DPP10: variants seen among roughly 807,000 people sequenced by gnomAD.
The protein encoded by DPP10 is dipeptidyl peptidase like 10.
Under a neutral mutation model 120.9 loss-of-function variants are expected in DPP10, and 33 were observed. The ratio of observed to expected loss-of-function variants is 0.27; its 90% CI spans 0.21 to 0.37. The LOEUF is 0.37. Among genes scored for constraint, DPP10 ranks in the 10% least tolerant of loss-of-function variants. The pLI, the probability that DPP10 is intolerant of heterozygous loss-of-function variation, is 1.00. For missense variants in DPP10, 816 were observed against 942.8 expected, an observed-to-expected ratio of 0.87 and a Z score of 1.76; for synonymous variants, 337 against 326.1, an observed-to-expected ratio of 1.03 and a Z score of -0.36.
intron 1 of DPP10, among the ~76,000 whole-genome samples, chr2:115,238,017 C>T (rs960900145): frequency 6.6e-6 from 1 of 152,160 alleles, no homozygotes; most frequent in African/African-American, 2.4e-5. Context: ...CCACACTAGA[C>T]AACAAATTTT....
chr2:115,471,394 G>A (rs79313039), intron 3 of DPP10, among the ~76,000 whole-genome samples: 5,599 of 152,152 alleles, frequency 0.037, 255 homozygotes, highest in East Asian at 0.24. Context: ...GGACAGTAGA[G>A]TTAATCTTAT....
intron 21 of DPP10, 75 bp from the exon 22 acceptor site, chr2:115,836,082 T>TA: frequency 1.3e-6 from 1 of 782,560 alleles, no homozygotes; most frequent in African/African-American, 1.9e-5. Context: ...TTGTTATATA[T>TA]AAATTTGTGT....
At chr2:115,442,238 A>C (rs1327034856) in intron 3 of DPP10, among the ~76,000 whole-genome samples, 1 of 152,082 alleles carries the variant, frequency 6.6e-6, no homozygotes, top group Non-Finnish European at 1.5e-5. Context: ...TGGTAGGCCC[A>C]AAGCTCACTG....
intron 1 of DPP10, among the ~76,000 whole-genome samples, chr2:114,837,337 C>T (rs1325809446): frequency 6.6e-6 from 1 of 152,176 alleles, no homozygotes; most frequent in African/African-American, 2.4e-5. Context: ...TCCCTCCGTT[C>T]CGGGTCCCTG....
chr2:115,008,647 C>T (rs1168322436), intron 1 of DPP10, among the ~76,000 whole-genome samples: 1 of 114,678 alleles, frequency 8.7e-6, no homozygotes, highest in Admixed American at 8.9e-5. Flanking sequence ...AGGCAACCTA[C>T]AGAATGGGAG....
chr2:115,329,511 T>A (rs1193909317), intron 2 of DPP10, among the ~76,000 whole-genome samples: 1 of 152,128 alleles, frequency 6.6e-6, no homozygotes, highest in African/African-American at 2.4e-5. Flanking sequence ...TATGTATACA[T>A]GTGCCATGTT....
At chr2:115,834,903 G>A (rs866786933) in intron 21 of DPP10, among the ~76,000 whole-genome samples, 13 of 152,062 alleles carry the variant, frequency 8.5e-5, no homozygotes, top group Admixed American at 7.2e-4. Context: ...TGGCTAACAC[G>A]GTGAAACCCG....
At chr2:115,182,519 A>G (rs1012770349) in intron 1 of DPP10, among the ~76,000 whole-genome samples, 2 of 152,234 alleles carry the variant, frequency 1.3e-5, no homozygotes, top group African/African-American at 4.8e-5. Flanking sequence ...TCTATGAAAT[A>G]TCTTTTTAAA....
At chr2:115,538,894 T>G (rs2079023027) in intron 5 of DPP10, among the ~76,000 whole-genome samples, 1 of 152,026 alleles carries the variant, frequency 6.6e-6, no homozygotes, top group South Asian at 2.1e-4. Context: ...CAGAAAAACA[T>G]AATATTAATT....
intron 3 of DPP10, among the ~76,000 whole-genome samples, chr2:115,377,300 C>A (rs1191766713): frequency 6.6e-6 from 1 of 151,902 alleles, no homozygotes; most frequent in East Asian, 1.9e-4. Context: ...CTCTGATGGC[C>A]AGTGATGGTG....
intron 1 of DPP10, among the ~76,000 whole-genome samples, chr2:115,086,506 G>C (rs1708714500): frequency 6.8e-6 from 1 of 147,428 alleles, no homozygotes; most frequent in Admixed American, 6.8e-5. Flanking sequence ...ACCCAGGCTG[G>C]AGTGTAGTGG....
chr2:114,532,881 C>T (rs544374196), intron 1 of DPP10, among the ~76,000 whole-genome samples: 2 of 152,122 alleles, frequency 1.3e-5, no homozygotes, highest in Admixed American at 1.3e-4. Flanking sequence ...ACTGGATATC[C>T]AGCAGGGATA....
intron 1 of DPP10, among the ~76,000 whole-genome samples, chr2:114,917,358 T>C (rs1289032541): frequency 6.6e-6 from 1 of 152,116 alleles, no homozygotes; most frequent in South Asian, 2.1e-4. Context: ...TGCTCATGGA[T>C]AGGAGTCAAT....
At chr2:114,523,990 G>T (rs1039715279) in intron 1 of DPP10, among the ~76,000 whole-genome samples, 2 of 152,204 alleles carry the variant, frequency 1.3e-5, no homozygotes, top group African/African-American at 2.4e-5. Context: ...CATTGACATT[G>T]CTCTTTGTAG....
chr2:114,867,993 G>T (rs74363328), intron 1 of DPP10, among the ~76,000 whole-genome samples: 3,286 of 152,262 alleles, frequency 0.022, 122 homozygotes, highest in African/African-American at 0.076. Flanking sequence ...AGAATGACAA[G>T]AAATTAATTT....
intron 1 of DPP10, among the ~76,000 whole-genome samples, chr2:114,486,416 TTAA>T (rs774723146): frequency 6.6e-6 from 1 of 152,198 alleles, no homozygotes; most frequent in Non-Finnish European, 1.5e-5. Flanking sequence ...AAATAATTTT[TTAA>T]TAATATTTTA....
Position 115,112,357 on chromosome 2 carries a change from A to T in DPP10, c.61-196882A>T, listed in dbSNP as rs537370074. Among the ~76,000 whole-genome samples the T allele has an allele frequency of 9.7e-4, 148 of 152,186 alleles. 1 individual carries two copies. In the Middle Eastern group the frequency reaches 0.02, roughly 21 times the overall value. On this transcript the variant is annotated intron_variant, in intron 1 of 25. Coordinates refer to ENST00000410059, the MANE Select transcript of DPP10 (RefSeq NM_020868.6). ...TCCGTTCTATAAAGTAACATTAAAA[A>T]TTTTTATTTTACATTATTTTTCTTT...
chr2:115,083,918 T>C (rs1339401839), intron 1 of DPP10, among the ~76,000 whole-genome samples: 1 of 152,188 alleles, frequency 6.6e-6, no homozygotes, highest in Non-Finnish European at 1.5e-5. Flanking sequence ...CAGGGATATA[T>C]TTTAATCAGT....
At chr2:115,283,996 A>C (rs1050942530) in intron 1 of DPP10, among the ~76,000 whole-genome samples, 1 of 152,000 alleles carries the variant, frequency 6.6e-6, no homozygotes, top group Admixed American at 6.6e-5. Context: ...CACAATGACA[A>C]CATAGCCTAA....
Sources: allele counts gnomAD v4.1 joint callset (sites outside exome capture counted in the v4.1 genomes callset), GRCh38; gene constraint gnomAD v4.1.1; transcripts MANE v1.5; gene names NCBI Gene and HGNC (gene_info 2026-07-23, HGNC 2026-07-21).